Variants in RBM39 observed in about 807,000 individuals in gnomAD.
RBM39 encodes the protein RNA binding motif protein 39.
In RBM39, 12 loss-of-function variants were observed where a neutral mutation model predicts 79.6. The ratio of observed to expected loss-of-function variants is 0.15; its 90% CI spans 0.10 to 0.24. RBM39 has a LOEUF of 0.24. Among genes scored for constraint, RBM39 ranks in the 10% least tolerant of loss-of-function variants. RBM39 has a pLI of 1.00. For synonymous variants in RBM39, 185 were observed against 208.4 expected, an observed-to-expected ratio of 0.89 and a Z score of 0.97; for missense variants, 243 against 653.4, an observed-to-expected ratio of 0.37 and a Z score of 6.85.
intron 14 of RBM39, among the ~76,000 whole-genome samples, chr20:35,706,487 A>G (rs2050729): frequency 0.81 from 123,748 of 152,192 alleles, 50,714 homozygotes; most frequent in East Asian, 0.88. Flanking sequence ...TTGTCATTAT[A>G]TGAAATGTAA....
chr20:35,734,168 G>A, intron 3 of RBM39: 1 of 1,287,562 alleles, frequency 7.8e-7, no homozygotes, highest in Non-Finnish European at 1.0e-6. Flanking sequence ...ATTGAAAATA[G>A]AAAATGAAGA....
In RBM39 at chr20:35,702,920, G is replaced by T. The variant is rs1481923529; in HGVS notation, c.*1561C>A. The T allele has an allele frequency of 6.6e-6, 1 of 152,052 alleles. No homozygotes were observed. The highest frequency in any genetic ancestry group is 1.5e-5 in the Non-Finnish European group (1 of 68,000). 9.4% of individuals were successfully genotyped at this position (152,052 alleles called of 1,614,324 possible). On this transcript the variant is annotated 3_prime_UTR_variant, in exon 17 of 17. Coordinates refer to ENST00000253363, the MANE Select transcript of RBM39 (RefSeq NM_184234.3). ...CAAGACTCCATCTCAAAAAGAAAAA[G>T]AAATTGAACCTTGGGAGTTTCCATA...
chr20:35,705,662 G>A (rs913354480), intron 14 of RBM39, among the ~76,000 whole-genome samples: 2 of 151,790 alleles, frequency 1.3e-5, no homozygotes, highest in Admixed American at 6.6e-5. Context: ...GCCACGAGTG[G>A]TGGCAGATGC....
chr20:35,706,676 C>T (rs1469221793), intron 14 of RBM39, among the ~76,000 whole-genome samples: 1 of 152,024 alleles, frequency 6.6e-6, no homozygotes, highest in Non-Finnish European at 1.5e-5. Flanking sequence ...GCATAGTTTC[C>T]GCACCTGGCC....
At chr20:35,706,661 G>C (rs1417285015) in intron 14 of RBM39, among the ~76,000 whole-genome samples, 1 of 152,074 alleles carries the variant, frequency 6.6e-6, no homozygotes, top group Non-Finnish European at 1.5e-5. Flanking sequence ...CTAATCACTA[G>C]CTAGGCATAG....
intron 12 of RBM39, among the ~76,000 whole-genome samples, chr20:35,711,088 C>A (rs2036343107): frequency 6.6e-6 from 1 of 152,192 alleles, no homozygotes; most frequent in South Asian, 2.1e-4. Flanking sequence ...TAACTGAAGA[C>A]ATTAAGAGCA....
chr20:35,734,268 AAGAT>A (rs2039680408), intron 3 of RBM39: 1 of 1,290,620 alleles, frequency 7.7e-7, no homozygotes, highest in Non-Finnish European at 1.0e-6. Context: ...CTAAAATTTC[AAGAT>A]AATCCACCTG....
In RBM39 at chr20:35,732,250, T is replaced by C. The variant is rs1197710085; in HGVS notation, c.102-115A>G. ...TTTCATAAATTTCTTTGGCTAGTTT[T>C]ACTATGATACAATGGTACATAATCA... On this transcript the variant is annotated intron_variant, in intron 3 of 16. Coordinates refer to ENST00000253363, the MANE Select transcript of RBM39 (RefSeq NM_184234.3). The C allele has an allele frequency of 4.1e-6, 4 of 969,262 alleles. No homozygotes were observed. In the East Asian group the frequency reaches 7.3e-5, roughly 18 times the overall value. 60.0% of individuals were successfully genotyped at this position (969,262 alleles called of 1,614,324 possible).
chr20:35,713,272 AATCCCAGAG>A (rs2036667437), intron 11 of RBM39, 176 bp from the exon 12 acceptor site: 1 of 508,988 alleles, frequency 2.0e-6, no homozygotes. Flanking sequence ...GGTTCACTTA[AATCCCAGAG>A]ATCGAGACCA....
intron 3 of RBM39, chr20:35,734,245 G>A (rs1189620167): frequency 7.7e-7 from 1 of 1,303,474 alleles, no homozygotes; most frequent in East Asian, 5.5e-5. Context: ...TTCCAAGGAG[G>A]CAGAAAGTTT....
At chr20:35,741,087 T>C (rs1020950849) in intron 1 of RBM39, among the ~76,000 whole-genome samples, 200 bp from the exon 2 acceptor site, 4 of 125,482 alleles carry the variant, frequency 3.2e-5, no homozygotes, top group Non-Finnish European at 6.4e-5. Flanking sequence ...CAGGCTGAAG[T>C]GCAGTAGCGC....
At chr20:35,726,399 C>A (rs942068878) in intron 6 of RBM39, among the ~76,000 whole-genome samples, 3 of 152,086 alleles carry the variant, frequency 2.0e-5, no homozygotes, top group African/African-American at 7.2e-5. Flanking sequence ...CAAAAGTACT[C>A]GGATTGTAGG....
intron 4 of RBM39, among the ~76,000 whole-genome samples, chr20:35,730,021 C>G (rs1327073930): frequency 2.0e-5 from 3 of 152,122 alleles, no homozygotes. Context: ...TGAAAGACTT[C>G]TTTTAAAAAC....
At chr20:35,722,124 T>C (rs1211381588) in intron 8 of RBM39, among the ~76,000 whole-genome samples, 2 of 152,082 alleles carry the variant, frequency 1.3e-5, no homozygotes, top group Non-Finnish European at 2.9e-5. Flanking sequence ...AGTACAGTTT[T>C]TGGCTGGGCA....
At chr20:35,704,955 T>A (rs2035540190) in intron 15 of RBM39, 4 of 596,978 alleles carry the variant, frequency 6.7e-6, no homozygotes, top group Middle Eastern at 8.9e-4. Flanking sequence ...TCTCTACGAT[T>A]TGTATGCAGC....
intron 10 of RBM39, 116 bp from the exon 11 acceptor site, chr20:35,714,505 G>A (rs1344729530): frequency 6.0e-6 from 8 of 1,341,486 alleles, no homozygotes; most frequent in South Asian, 1.9e-5. Flanking sequence ...TGAATACTAA[G>A]GTAGAAACTG....
chr20:35,707,270 A>G (rs2035859230), intron 13 of RBM39, 69 bp from the exon 14 acceptor site: 12 of 1,132,344 alleles, frequency 1.1e-5, no homozygotes, highest in Non-Finnish European at 1.5e-5. Flanking sequence ...AATACTTTAA[A>G]ACGAAACCAA....
intron 3 of RBM39, chr20:35,732,513 G>A (rs1330560486): frequency 9.6e-6 from 2 of 208,040 alleles, no homozygotes; most frequent in Non-Finnish European, 9.9e-6. Context: ...CCAAGATCCC[G>A]CCACTGGTAC....
At chr20:35,718,010 C>T (rs1368210462) in intron 9 of RBM39, among the ~76,000 whole-genome samples, 2 of 152,114 alleles carry the variant, frequency 1.3e-5, no homozygotes, top group African/African-American at 4.8e-5. Context: ...AGGCACCCAC[C>T]ACCACGCCCA....
Sources: allele counts gnomAD v4.1 joint callset (sites outside exome capture counted in the v4.1 genomes callset), GRCh38; gene constraint gnomAD v4.1.1; transcripts MANE v1.5; gene names NCBI Gene and HGNC (gene_info 2026-07-23, HGNC 2026-07-21).